SLC38A3: variants seen among roughly 807,000 people sequenced by gnomAD.
SLC38A3 encodes solute carrier family 38 member 3.
SLC38A3 carries 17 observed loss-of-function variants against 59.5 expected under a neutral mutation model. The ratio of observed to expected loss-of-function variants is 0.29; its 90% CI spans 0.20 to 0.43. The LOEUF (loss-of-function observed/expected upper bound fraction) is 0.43, where lower values mean the gene tolerates loss of function less well. Ranked by LOEUF, SLC38A3 falls within the 20% of genes least tolerant of loss-of-function variation. The pLI, the probability that SLC38A3 is intolerant of heterozygous loss-of-function variation, is 1.00. For synonymous variants in SLC38A3, 238 were observed against 260.3 expected, an observed-to-expected ratio of 0.91 and a Z score of 0.82; for missense variants, 454 against 653.9, an observed-to-expected ratio of 0.69 and a Z score of 3.33.
rs1417662624 is a variant in SLC38A3, at chr3:50,221,284, A to G, written c.*1107A>G. On this transcript the variant is annotated 3_prime_UTR_variant, in exon 16 of 16. Coordinates refer to ENST00000614032, the MANE Select transcript of SLC38A3 (RefSeq NM_006841.6). ...TCCGGAAGGAGGCAACGTGAGGTGC[A>G]TCCCCAGCAGCTTCAGGGAGGGTCT... is the stretch of plus-strand genomic sequence containing the variant. 6.6e-6 allele frequency: 1 copy of G among 152,140 alleles called. No homozygotes were observed. The highest frequency in any genetic ancestry group is 1.5e-5 in the Non-Finnish European group (1 of 68,024). 9.4% of individuals were successfully genotyped at this position (152,140 alleles called of 1,614,324 possible).
intron 1 of SLC38A3, among the ~76,000 whole-genome samples, chr3:50,206,227 G>C (rs1308071101): frequency 6.6e-6 from 1 of 152,286 alleles, no homozygotes; most frequent in Non-Finnish European, 1.5e-5. Context: ...CCCCCACGGG[G>C]ACCTGAGTCC....
In SLC38A3 at chr3:50,214,499, A is replaced by G. The variant is rs1365733583; in HGVS notation, c.183+16A>G. ...CTTCACTGACGTGAGCAGGGCAGCA[A>G]CGGGTTTTAGGGGACACTGTGGGGA... is the stretch of plus-strand genomic sequence containing the variant. On this transcript the variant is annotated intron_variant, in intron 3 of 15. Coordinates refer to ENST00000614032, the MANE Select transcript of SLC38A3 (RefSeq NM_006841.6). The surrounding 1 kb of genome is among the most constrained non-coding windows in gnomAD (Gnocchi z 6.0). 1.9e-6 allele frequency: 3 copies of G among 1,557,172 alleles called. No individual in the cohort carries two copies. The highest frequency in any genetic ancestry group is 4.8e-5 in the East Asian group (2 of 41,310).
chr3:50,214,615 C>T lies in SLC38A3; in HGVS notation c.184-38C>T, dbSNP rs1263767986. 1 of 1,516,998 alleles carries T rather than the reference C, an allele frequency of 6.6e-7. No individual in the cohort carries two copies. The highest frequency in any genetic ancestry group is 9.1e-7 in the Non-Finnish European group (1 of 1,102,844). 94.0% of individuals were successfully genotyped at this position (1,516,998 alleles called of 1,614,324 possible). On this transcript the variant is annotated intron_variant, in intron 3 of 15. Coordinates refer to ENST00000614032, the MANE Select transcript of SLC38A3 (RefSeq NM_006841.6). The surrounding 1 kb of genome is among the most constrained non-coding windows in gnomAD (Gnocchi z 6.0). ...CTGCGATGCCCCTGTCCCTTGCTGA[C>T]TCCTCCCACCCTCCCCGTCCCATTC...
At chr3:50,206,001 C>G (rs1699641323) in intron 1 of SLC38A3, among the ~76,000 whole-genome samples, 1 of 152,238 alleles carries the variant, frequency 6.6e-6, no homozygotes, top group Admixed American at 6.5e-5. Flanking sequence ...TGACCTGAGG[C>G]CGGGGCGCCG....
intron 1 of SLC38A3, among the ~76,000 whole-genome samples, chr3:50,206,500 G>A (rs1320452636): frequency 6.6e-6 from 1 of 152,220 alleles, no homozygotes. Flanking sequence ...CATCCCTCGG[G>A]GCTCTCAGTC....
intron 14 of SLC38A3, among the ~76,000 whole-genome samples, 160 bp from the exon 15 acceptor site, chr3:50,219,721 G>A (rs1316269073): frequency 6.6e-6 from 1 of 152,230 alleles, no homozygotes; most frequent in Admixed American, 6.5e-5. Flanking sequence ...TGGAGAACAA[G>A]GGGGAGAGGC....
intron 1 of SLC38A3, among the ~76,000 whole-genome samples, chr3:50,209,192 G>A (rs1699688946): frequency 6.6e-6 from 1 of 152,228 alleles, no homozygotes; most frequent in Admixed American, 6.5e-5. Flanking sequence ...GGCTGGCAAT[G>A]GGTGAGGTGG....
intron 1 of SLC38A3, among the ~76,000 whole-genome samples, chr3:50,206,068 C>T (rs952095358): frequency 6.6e-6 from 1 of 152,254 alleles, no homozygotes; most frequent in African/African-American, 2.4e-5. Flanking sequence ...CCGCGCAGCG[C>T]ACGGCGGAGA....
At position 50,210,888 on chromosome 3, in the gene SLC38A3, C is replaced by G. The variant is rs76473449; in HGVS notation, c.-51-3261C>G. Reference sequence around the variant, plus strand: ...ATGACCTGCCCAAGGCCACCGTGATCTCCCCACCCTAGCTCCTGGCCACTC... The same window carrying G: ...ATGACCTGCCCAAGGCCACCGTGATGTCCCCACCCTAGCTCCTGGCCACTC... On this transcript the variant is annotated intron_variant, in intron 1 of 15. Transcript: ENST00000614032. Among the ~76,000 whole-genome samples the G allele has an allele frequency of 9.7e-3, 1,472 of 152,324 alleles. 21 individuals carry two copies. Among genetic ancestry groups the G allele is most frequent in the African/African-American group, 0.034 (1,406 of 41,576 alleles).
Position 50,220,241 on chromosome 3 carries a change from CT to C in SLC38A3, c.*65del. The stretch of plus-strand genomic sequence containing the variant: ...CCCTGCCCAGACTCTTCAGCCCCTG[CT>C]CCCATCCAGTGGCCAGTCGGGGGAG... On this transcript the variant is annotated 3_prime_UTR_variant, in exon 16 of 16. Coordinates refer to ENST00000614032, the MANE Select transcript of SLC38A3 (RefSeq NM_006841.6). 7.7e-7 allele frequency: 1 copy of C among 1,292,354 alleles called. No homozygotes were observed. 80.1% of individuals were successfully genotyped at this position (1,292,354 alleles called of 1,614,324 possible). A position where few individuals can be genotyped will look rare whatever the true frequency, so the allele number is the denominator to read the frequency against.
chr3:50,214,874 G>A lies in SLC38A3; in HGVS notation c.299+106G>A. Reference sequence around the variant, plus strand: ...CCTGTCCCAGCATCCAGGCTGCAGTGGGTGGGCACTTCTTACACTAACAAA... The same window carrying A: ...CCTGTCCCAGCATCCAGGCTGCAGTAGGTGGGCACTTCTTACACTAACAAA... On this transcript the variant is annotated intron_variant, in intron 4 of 15. Transcript: ENST00000614032. This position sits in a 1 kb window ranked among gnomAD's most constrained non-coding sequence, Gnocchi z 6.0. The A allele has an allele frequency of 1.3e-6, 1 of 752,530 alleles. No individual in the cohort carries two copies. The highest frequency in any genetic ancestry group is 2.3e-6 in the Non-Finnish European group (1 of 439,630). 46.6% of individuals were successfully genotyped at this position (752,530 alleles called of 1,614,324 possible). A position where few individuals can be genotyped will look rare whatever the true frequency, so the allele number is the denominator to read the frequency against.
In SLC38A3 at chr3:50,211,568, C is replaced by CTTTTTTT. The variant is rs765148889; in HGVS notation, c.-51-2560_-51-2554dup. ...GGAAGTCTTCCTTGATGCCCCCATC[C>CTTTTTTT]TTTTTTTTTTTTTTTTTTTTTTTTT... On this transcript the variant is annotated intron_variant, in intron 1 of 15. Coordinates refer to ENST00000614032, the MANE Select transcript of SLC38A3 (RefSeq NM_006841.6). 7.3e-4 allele frequency among the ~76,000 whole-genome samples: 59 copies of CTTTTTTT among 81,210 alleles called. 2 individuals are homozygous for CTTTTTTT. Among genetic ancestry groups the CTTTTTTT allele is most frequent in the East Asian group, 4.5e-3 (8 of 1,782 alleles). The allele number at this position is 81,210 out of a possible 152,430, so 53.3% of individuals were successfully genotyped here.
chr3:50,215,525 C>T lies in SLC38A3; in HGVS notation c.374-19C>T. The T allele has an allele frequency of 1.2e-6, 2 of 1,613,890 alleles. No homozygotes were observed. Among genetic ancestry groups the T allele is most frequent in the Non-Finnish European group, 1.7e-6 (2 of 1,179,816 alleles). Reference sequence around the variant, plus strand: ...GTAAACTGGGACAAGCTCCTGACTTCTTGACCCTGCTCCTGCAGGCATCCG... The same window carrying T: ...GTAAACTGGGACAAGCTCCTGACTTTTTGACCCTGCTCCTGCAGGCATCCG... On this transcript the variant is annotated intron_variant, in intron 5 of 15. Coordinates refer to ENST00000614032, the MANE Select transcript of SLC38A3 (RefSeq NM_006841.6). This position sits in a 1 kb window ranked among gnomAD's most constrained non-coding sequence, Gnocchi z 7.1.
chr3:50,217,606 T>G lies in SLC38A3; in HGVS notation c.691-70T>G. ...AGCTCCACCAGTCCTGATCTAGATG[T>G]GGCTTCATGGTGACTTCCCAGGCAG... On this transcript the variant is annotated intron_variant, in intron 9 of 15. Coordinates refer to ENST00000614032, the MANE Select transcript of SLC38A3 (RefSeq NM_006841.6). The surrounding 1 kb of genome is among the most constrained non-coding windows in gnomAD (Gnocchi z 4.9). 2.5e-6 allele frequency: 4 copies of G among 1,593,876 alleles called. No homozygotes were observed. The South Asian group carries it at 4.5e-5, about 18-fold the overall frequency.
chr3:50,218,716 C>T lies in SLC38A3; in HGVS notation c.1160C>T (p.Pro387Leu). The T allele has an allele frequency of 4.4e-6, 7 of 1,605,832 alleles. No homozygotes were observed. The highest frequency in any genetic ancestry group is 4.3e-6 in the Non-Finnish European group (5 of 1,173,006). The stretch of plus-strand genomic sequence containing the variant: ...CTCACAGTGCCCATCGTTCTGTTCC[C>T]GGTGAGCTGGTGGGCAGGTGGCTAG... ...VTLTVPIVLF[P>L]VRRAIQQMLF... Residue 387 changes from proline (P) to leucine (L), a missense_variant and splice_region_variant, in exon 13 of 16, where the codon CCG becomes CTG. Transcript: ENST00000614032. The surrounding 1 kb of genome is among the most constrained non-coding windows in gnomAD (Gnocchi z 5.8).
chr3:50,219,742 G>T (rs1699870279), intron 14 of SLC38A3, 139 bp from the exon 15 acceptor site: 1 of 688,782 alleles, frequency 1.5e-6, no homozygotes, highest in Admixed American at 2.5e-5. Flanking sequence ...TGGTGGGCTA[G>T]AATCAGGCAG....
intron 1 of SLC38A3, among the ~76,000 whole-genome samples, chr3:50,212,341 G>C (rs1699743090): frequency 6.6e-6 from 1 of 152,198 alleles, no homozygotes; most frequent in African/African-American, 2.4e-5. Context: ...CTGAGTGCAG[G>C]GGGGACTCTG....
At chr3:50,211,269 G>A (rs1341301989) in intron 1 of SLC38A3, among the ~76,000 whole-genome samples, 1 of 152,196 alleles carries the variant, frequency 6.6e-6, no homozygotes, top group African/African-American at 2.4e-5. Context: ...AATGGCTGGG[G>A]GCTCCATGCC....
At chr3:50,211,215 C>T (rs746591433) in intron 1 of SLC38A3, among the ~76,000 whole-genome samples, 16 of 152,212 alleles carry the variant, frequency 1.1e-4, no homozygotes, top group Non-Finnish European at 1.5e-4. Context: ...AGGCCACAGG[C>T]CTGAGGGGTA....
Sources: gnomAD v4.1 joint callset for allele counts (sites outside exome capture counted in the v4.1 genomes callset) on GRCh38, gnomAD v4.1.1 for gene constraint, Gnocchi (gnomAD v3.1) non-coding constraint, MANE v1.5 for transcripts, NCBI Gene and HGNC (gene_info 2026-07-23, HGNC 2026-07-21) for gene names.